The following DCDC1 variants were observed in gnomAD, a reference collection of about 807,000 sequenced individuals.
DCDC1 encodes doublecortin domain containing 1.
A neutral mutation model predicts 178.3 loss-of-function variants in DCDC1; 200 were observed. The observed-to-expected ratio is 1.12, with a 90% CI of 1.00 to 1.26. DCDC1 has a LOEUF of 1.26. Among genes scored for constraint, DCDC1 ranks in the 50% most tolerant of loss-of-function variants. The pLI is 0.00. For missense variants in DCDC1, 1,983 were observed against 1,749.2 expected, an observed-to-expected ratio of 1.13 and a Z score of -2.38; for synonymous variants, 690 against 604.8, an observed-to-expected ratio of 1.14 and a Z score of -2.07.
intron 20 of DCDC1, among the ~76,000 whole-genome samples, chr11:31,012,408 C>T (rs1952228380): frequency 6.6e-6 from 1 of 151,936 alleles, no homozygotes; most frequent in Admixed American, 6.6e-5. Context: ...AGAGACCAGC[C>T]TGGGTAACAC....
At chr11:31,033,072 G>C (rs1273260388) in intron 20 of DCDC1, among the ~76,000 whole-genome samples, 5 of 152,154 alleles carry the variant, frequency 3.3e-5, no homozygotes, top group Non-Finnish European at 7.3e-5. Flanking sequence ...AGTTTCATCT[G>C]TCTCCAGGGC....
intron 32 of DCDC1, among the ~76,000 whole-genome samples, chr11:30,900,897 C>T (rs1009675906): frequency 6.6e-6 from 1 of 152,014 alleles, no homozygotes; most frequent in Non-Finnish European, 1.5e-5. Flanking sequence ...ATATCTCATT[C>T]TGCTGTTTCT....
At chr11:31,128,174 A>G (rs1961915702) in intron 10 of DCDC1, among the ~76,000 whole-genome samples, 1 of 151,996 alleles carries the variant, frequency 6.6e-6, no homozygotes, top group Admixed American at 6.6e-5. Context: ...TTTTTCCCAC[A>G]TTTCATAGAT....
chr11:31,356,430 C>G, intron 1 of DCDC1, among the ~76,000 whole-genome samples: 1 of 151,962 alleles, frequency 6.6e-6, no homozygotes, highest in East Asian at 1.9e-4. Context: ...GGGACACATT[C>G]AAAGCAGTAT....
At chr11:30,994,836 C>G (rs1190448143) in intron 20 of DCDC1, among the ~76,000 whole-genome samples, 2 of 148,180 alleles carry the variant, frequency 1.3e-5, no homozygotes, top group Non-Finnish European at 3.0e-5. Context: ...TGGTGAGAGA[C>G]TGAATGTTTC....
intron 20 of DCDC1, among the ~76,000 whole-genome samples, chr11:31,025,153 T>C (rs1428597080): frequency 2.0e-5 from 3 of 151,794 alleles, no homozygotes; most frequent in East Asian, 1.9e-4. Flanking sequence ...TAAACTACCA[T>C]AGAACAACAT....
At chr11:31,070,945 A>T (rs1211765636) in intron 18 of DCDC1, among the ~76,000 whole-genome samples, 2 of 152,222 alleles carry the variant, frequency 1.3e-5, no homozygotes, top group Non-Finnish European at 2.9e-5. Context: ...CTCTTGGTCA[A>T]TACAATGATC....
chr11:30,904,783 C>CATACAATATGTACATACAAACAATA, intron 31 of DCDC1, 178 bp downstream of exon 31: 1 of 714,784 alleles, frequency 1.4e-6, no homozygotes, highest in East Asian at 2.7e-5. Context: ...TCTGTATCCA[C>CATACAATATGTACATACAAACAATA]TGACATACAA....
At chr11:30,928,848 A>C (rs1397022433) in intron 22 of DCDC1, among the ~76,000 whole-genome samples, 1 of 151,522 alleles carries the variant, frequency 6.6e-6, no homozygotes, top group Non-Finnish European at 1.5e-5. Context: ...TCAACTTTGA[A>C]GAAAATTCAG....
chr11:31,192,991 C>A (rs758368015), intron 9 of DCDC1, among the ~76,000 whole-genome samples: 4 of 152,028 alleles, frequency 2.6e-5, no homozygotes, highest in Non-Finnish European at 5.9e-5. Context: ...CTCCTGCTCT[C>A]GGACATCACA....
At chr11:31,214,236 C>G (rs1238883400) in intron 9 of DCDC1, among the ~76,000 whole-genome samples, 1 of 151,922 alleles carries the variant, frequency 6.6e-6, no homozygotes, top group Non-Finnish European at 1.5e-5. Context: ...ATCTCCCAGA[C>G]TATTACAAAA....
chr11:30,875,490 C>A (rs945759646), intron 38 of DCDC1, among the ~76,000 whole-genome samples: 1 of 151,828 alleles, frequency 6.6e-6, no homozygotes, highest in Non-Finnish European at 1.5e-5. Flanking sequence ...GTGTTTTGAT[C>A]ATTCGCTTCC....
At chr11:31,333,262 G>C (rs1950096237) in intron 2 of DCDC1, among the ~76,000 whole-genome samples, 1 of 151,494 alleles carries the variant, frequency 6.6e-6, no homozygotes, top group Non-Finnish European at 1.5e-5. Flanking sequence ...CCTTTATTTT[G>C]AGCCTATGTG....
intron 34 of DCDC1, among the ~76,000 whole-genome samples, chr11:30,895,177 C>CA (rs1413192791): frequency 2.0e-5 from 3 of 152,080 alleles, no homozygotes; most frequent in African/African-American, 7.2e-5. Context: ...ATCTTCTTTC[C>CA]AAAAACCTAT....
At chr11:31,212,275 C>A (rs1972643406) in intron 9 of DCDC1, among the ~76,000 whole-genome samples, 1 of 151,768 alleles carries the variant, frequency 6.6e-6, no homozygotes, top group South Asian at 2.1e-4. Flanking sequence ...TATACCCTTA[C>A]AATGCGAAAA....
intron 9 of DCDC1, among the ~76,000 whole-genome samples, chr11:31,168,045 T>A (rs1966853723): frequency 6.6e-6 from 1 of 151,866 alleles, no homozygotes; most frequent in Non-Finnish European, 1.5e-5. Flanking sequence ...ACAAACAACC[T>A]CTCCCTAATA....
intron 20 of DCDC1, among the ~76,000 whole-genome samples, chr11:31,030,353 A>G (rs912284498): frequency 6.6e-6 from 1 of 152,168 alleles, no homozygotes; most frequent in African/African-American, 2.4e-5. Context: ...TCACATATGC[A>G]TTAGAAATAC....
chr11:31,362,731 G>C (rs1485534508), intron 1 of DCDC1, among the ~76,000 whole-genome samples: 1 of 152,122 alleles, frequency 6.6e-6, no homozygotes, highest in African/African-American at 2.4e-5. Context: ...ATTGCTGAAA[G>C]TATTTTAAAA....
At chr11:31,267,036 A>G (rs955919131) in intron 7 of DCDC1, among the ~76,000 whole-genome samples, 5 of 152,190 alleles carry the variant, frequency 3.3e-5, no homozygotes, top group African/African-American at 9.6e-5. Context: ...TCATGTCCCC[A>G]TGGACCACAT....
Sources: gnomAD v4.1 joint callset for allele counts (sites outside exome capture counted in the v4.1 genomes callset) on GRCh38, gnomAD v4.1.1 for gene constraint, MANE v1.5 for transcripts, NCBI Gene and HGNC (gene_info 2026-07-23, HGNC 2026-07-21) for gene names.